The following PSG1 variants were observed in gnomAD, a reference collection of about 807,000 sequenced individuals.
PSG1 encodes pregnancy-specific beta-1-glycoprotein 1.
In PSG1, 60 loss-of-function variants were observed where a neutral mutation model predicts 41.4. The observed-to-expected ratio is 1.45, with a 90% CI of 1.18 to 1.80. The LOEUF is 1.80. Among genes scored for constraint, PSG1 ranks in the 40% most tolerant of loss-of-function variants. PSG1 has a pLI of 0.00. For synonymous variants in PSG1, 256 were observed against 192.9 expected, an observed-to-expected ratio of 1.33 and a Z score of -2.71; for missense variants, 806 against 516.9, an observed-to-expected ratio of 1.56 and a Z score of -5.42.
chr19:42,869,216 G>T (rs1388533695), intron 3 of PSG1, 182 bp from the exon 4 acceptor site: 8 of 1,342,364 alleles, frequency 6.0e-6, no homozygotes, highest in Admixed American at 2.5e-5. Context: ...CTGTGAGGCC[G>T]CCTTCTCTGT....
chr19:42,878,455 T>C, intron 1 of PSG1, 177 bp from the exon 2 acceptor site: 1 of 1,137,610 alleles, frequency 8.8e-7, no homozygotes, highest in East Asian at 2.5e-5. Flanking sequence ...ATTGTGTGTG[T>C]GTATGTGTGT....
chr19:42,868,474 C>T, intron 4 of PSG1, 119 bp from the exon 5 acceptor site: 8 of 1,481,578 alleles, frequency 5.4e-6, no homozygotes, highest in South Asian at 1.4e-5. Flanking sequence ...CCCAGCCCAA[C>T]CCCCTCTATG....
chr19:42,869,176 T>G, intron 3 of PSG1, 142 bp from the exon 4 acceptor site: 2 of 1,494,404 alleles, frequency 1.3e-6, no homozygotes, highest in East Asian at 4.5e-5. Flanking sequence ...TGTCACAAGA[T>G]AGATGCATGA....
rs556466522 is a variant in PSG1, at chr19:42,871,564, C to G, written c.709+203G>C. 2.3e-4 allele frequency among the ~76,000 whole-genome samples: 35 copies of G among 151,752 alleles called. 1 individual carries two copies. The highest frequency in any genetic ancestry group is 3.4e-3 in the Middle Eastern group (1 of 294). On this transcript the variant is annotated intron_variant, in intron 3 of 5. Transcript: ENST00000436291. ...CACAAGCTGTGGACCCTGAGTCTCC[C>G]ATGACAGGAGCAGCCTCTTTTCTCC...
At chr19:42,868,514 C>T (rs1329417545) in intron 4 of PSG1, among the ~76,000 whole-genome samples, 159 bp from the exon 5 acceptor site, 4 of 151,466 alleles carry the variant, frequency 2.6e-5, no homozygotes, top group Non-Finnish European at 4.4e-5. Flanking sequence ...AGGTATTCCC[C>T]TGTTTCTCCC....
chr19:42,867,400 T>C, intron 5 of PSG1: 2 of 575,338 alleles, frequency 3.5e-6, no homozygotes, highest in South Asian at 4.5e-5. Context: ...TTTTCTTTTC[T>C]CTAAGTTTTT....
Position 42,866,754 on chromosome 19 carries a change from G to A in PSG1, c.*380C>T, listed in dbSNP as rs1205462616. 3 of 492,806 alleles carry A rather than the reference G, an allele frequency of 6.1e-6. No homozygotes were observed. The highest frequency in any genetic ancestry group is 3.3e-5 in the Admixed American group (1 of 29,876). 30.5% of individuals were successfully genotyped at this position (492,806 alleles called of 1,614,324 possible). A position where few individuals can be genotyped will look rare whatever the true frequency, so the allele number is the denominator to read the frequency against. Reference sequence around the variant, plus strand: ...GTTGAGATGACATATCTGACACTCTGTTGTTACTCTCAGAAGCTACTACAT... The same window carrying A: ...GTTGAGATGACATATCTGACACTCTATTGTTACTCTCAGAAGCTACTACAT... On this transcript the variant is annotated 3_prime_UTR_variant, in exon 6 of 6. Coordinates refer to ENST00000436291, the MANE Select transcript of PSG1 (RefSeq NM_001184825.2).
At chr19:42,876,321 C>G (rs1971604307) in intron 2 of PSG1, among the ~76,000 whole-genome samples, 1 of 151,224 alleles carries the variant, frequency 6.6e-6, no homozygotes. Flanking sequence ...AGTCCAGGAC[C>G]AAGGAGCCCT....
At chr19:42,878,766 C>T (rs1429299732) in intron 1 of PSG1, among the ~76,000 whole-genome samples, 9 of 150,304 alleles carry the variant, frequency 6.0e-5, no homozygotes, top group Non-Finnish European at 1.2e-4. Flanking sequence ...CCCATGACAG[C>T]GTGAGCTCCG....
intron 2 of PSG1, among the ~76,000 whole-genome samples, chr19:42,876,085 T>C (rs982689213): frequency 1.3e-5 from 2 of 151,016 alleles, no homozygotes; most frequent in Admixed American, 6.6e-5. Context: ...CAGGCCACAG[T>C]GTTAGTGGGA....
At chr19:42,876,629 T>C (rs550878871) in intron 2 of PSG1, 23 of 318,480 alleles carry the variant, frequency 7.2e-5, no homozygotes, top group African/African-American at 4.0e-4. Flanking sequence ...GTCCTCTCCT[T>C]GATCCTCTCA....
At chr19:42,871,119 A>G (rs1486361520) in intron 3 of PSG1, among the ~76,000 whole-genome samples, 2 of 151,624 alleles carry the variant, frequency 1.3e-5, no homozygotes, top group African/African-American at 2.4e-5. Flanking sequence ...AGGGACTATG[A>G]TCCTCTTGAT....
chr19:42,876,534 C>A (rs1971615201), intron 2 of PSG1, among the ~76,000 whole-genome samples: 1 of 151,300 alleles, frequency 6.6e-6, no homozygotes, highest in African/African-American at 2.4e-5. Context: ...TCCATTCCTT[C>A]ATTTGTCATG....
chr19:42,871,694 C>G (rs1257756895), intron 3 of PSG1, 73 bp downstream of exon 3: 1 of 1,612,270 alleles, frequency 6.2e-7, no homozygotes, highest in African/African-American at 1.3e-5. Context: ...CTGAGAGGGA[C>G]AGAGAGGCCT....
chr19:42,867,977 A>T, intron 5 of PSG1, 124 bp downstream of exon 5: 1 of 1,600,752 alleles, frequency 6.2e-7, no homozygotes, highest in Non-Finnish European at 8.5e-7. Context: ...CAGGAGGAGA[A>T]TTTGGGATTT....
intron 1 of PSG1, among the ~76,000 whole-genome samples, chr19:42,879,118 C>G (rs1971752502): frequency 6.6e-6 from 1 of 151,114 alleles, no homozygotes; most frequent in African/African-American, 2.4e-5. Flanking sequence ...TTCCCCTATC[C>G]AGGCTCCAAC....
intron 4 of PSG1, 62 bp downstream of exon 4, chr19:42,868,694 G>C: frequency 6.2e-7 from 1 of 1,601,556 alleles, no homozygotes; most frequent in Middle Eastern, 1.9e-4. Flanking sequence ...TGAGAGGCCT[G>C]GCATCTGGTG....
intron 2 of PSG1, among the ~76,000 whole-genome samples, chr19:42,874,740 G>A (rs1050194966): frequency 6.6e-6 from 1 of 151,574 alleles, no homozygotes; most frequent in Non-Finnish European, 1.5e-5. Flanking sequence ...TTATACGCCT[G>A]TCAGGAAGCT....
rs1457592835 is a variant in PSG1 at position 42,879,673 on chromosome 19, C to G, written c.-92G>C. On this transcript the variant is annotated 5_prime_UTR_variant, in exon 1 of 6. Coordinates refer to ENST00000436291, the MANE Select transcript of PSG1 (RefSeq NM_001184825.2). ...GGCTGTCAGCTGTGCTGTCCTTCCT[C>G]TTTCTGTGCTGAGCCTCTTCCCAGG... is the stretch of plus-strand genomic sequence containing the variant. The G allele has an allele frequency of 7.1e-6, 11 of 1,547,604 alleles. No homozygotes were observed. Among genetic ancestry groups the G allele is most frequent in the Non-Finnish European group, 9.7e-6 (11 of 1,134,870 alleles).
Sources: gnomAD v4.1 joint callset for allele counts (sites outside exome capture counted in the v4.1 genomes callset) on GRCh38, gnomAD v4.1.1 for gene constraint, MANE v1.5 for transcripts, NCBI Gene and HGNC (gene_info 2026-07-23, HGNC 2026-07-21) for gene names.